Variants in ADCY1 observed in about 807,000 individuals in gnomAD.
ADCY1 encodes the protein adenylate cyclase 1.
ADCY1 carries 28 observed loss-of-function variants against 105.4 expected under a neutral mutation model. The ratio of observed to expected loss-of-function variants is 0.27; its 90% CI spans 0.20 to 0.36. The LOEUF is 0.36. Ranked by LOEUF, ADCY1 falls within the 10% of genes least tolerant of loss-of-function variation. The pLI, the probability that ADCY1 is intolerant of heterozygous loss-of-function variation, is 1.00. For synonymous variants in ADCY1, 655 were observed against 623.8 expected, an observed-to-expected ratio of 1.05 and a Z score of -0.75; for missense variants, 977 against 1,434.2, an observed-to-expected ratio of 0.68 and a Z score of 5.15.
chr7:45,587,617 T>C (rs1792769818), intron 1 of ADCY1, among the ~76,000 whole-genome samples: 2 of 152,058 alleles, frequency 1.3e-5, no homozygotes, highest in Non-Finnish European at 2.9e-5. Context: ...ATTGGGATAC[T>C]TTCTCCAAGG....
At chr7:45,645,783 G>A (rs564227333) in intron 4 of ADCY1, among the ~76,000 whole-genome samples, 1 of 152,128 alleles carries the variant, frequency 6.6e-6, no homozygotes, top group Non-Finnish European at 1.5e-5. Flanking sequence ...AGTCCTTGAC[G>A]TCCAGAGCAC....
At chr7:45,701,874 C>T (rs528176778) in intron 14 of ADCY1, among the ~76,000 whole-genome samples, 18 of 152,284 alleles carry the variant, frequency 1.2e-4, no homozygotes, top group African/African-American at 4.1e-4. Context: ...CTGGTCTGAC[C>T]GAGAAGGTTA....
At chr7:45,696,150 G>GGC (rs1473973500) in intron 14 of ADCY1, among the ~76,000 whole-genome samples, 1 of 152,082 alleles carries the variant, frequency 6.6e-6, no homozygotes. Context: ...GAAAAATCCA[G>GGC]ATTTTCGGCC....
chr7:45,580,516 T>C (rs1246510439), intron 1 of ADCY1, among the ~76,000 whole-genome samples: 1 of 152,148 alleles, frequency 6.6e-6, no homozygotes, highest in Non-Finnish European at 1.5e-5. Flanking sequence ...TGCAGTCTAT[T>C]GGGGAGACCC....
chr7:45,692,122 A>G (rs556450742), intron 14 of ADCY1, among the ~76,000 whole-genome samples: 4 of 152,312 alleles, frequency 2.6e-5, no homozygotes, highest in African/African-American at 7.2e-5. Flanking sequence ...GCACACTTCT[A>G]TGGAAACCTC....
At chr7:45,576,275 G>A (rs1792343368) in intron 1 of ADCY1, among the ~76,000 whole-genome samples, 1 of 152,102 alleles carries the variant, frequency 6.6e-6, no homozygotes, top group Non-Finnish European at 1.5e-5. Context: ...CCCACAGCCC[G>A]GCCCCGGGGG....
chr7:45,608,233 C>T (rs1793433865), intron 2 of ADCY1, among the ~76,000 whole-genome samples: 1 of 152,134 alleles, frequency 6.6e-6, no homozygotes, highest in African/African-American at 2.4e-5. Flanking sequence ...TTGTTGGCTC[C>T]TTGTATGTCT....
chr7:45,596,130 G>A (rs1210868981), intron 2 of ADCY1, among the ~76,000 whole-genome samples: 1 of 152,258 alleles, frequency 6.6e-6, no homozygotes, highest in African/African-American at 2.4e-5. Flanking sequence ...GCCCTGCCCA[G>A]GCCTCATGTG....
Position 45,723,094 on chromosome 7 carries a change from A to AAC in ADCY1, c.*9099_*9100insAC, listed in dbSNP as rs1785507844. ...CTGGAATCTTATTTAACAAAAATAA[A>AAC]GGGAAAAAATTGCTTGACTAAACTC... On this transcript the variant is annotated 3_prime_UTR_variant, in exon 20 of 20. Coordinates refer to ENST00000297323, the MANE Select transcript of ADCY1 (RefSeq NM_021116.4). 1 of 148,824 alleles carries AAC rather than the reference A, an allele frequency of 6.7e-6. No homozygotes were observed. Among genetic ancestry groups the AAC allele is most frequent in the Non-Finnish European group, 1.5e-5 (1 of 66,108 alleles). The allele number at this position is 148,824 out of a possible 1,614,324, so 9.2% of individuals were successfully genotyped here.
At chr7:45,633,661 G>A (rs923642409) in intron 4 of ADCY1, among the ~76,000 whole-genome samples, 7 of 152,068 alleles carry the variant, frequency 4.6e-5, no homozygotes, top group African/African-American at 1.7e-4. Context: ...AATTAGCTGG[G>A]TGTGGTGGCG....
intron 14 of ADCY1, among the ~76,000 whole-genome samples, chr7:45,695,191 T>C (rs1344231197): frequency 6.6e-6 from 1 of 152,230 alleles, no homozygotes; most frequent in Non-Finnish European, 1.5e-5. Context: ...CATTGCCTCC[T>C]GTCCAGTATT....
At chr7:45,622,515 G>A in intron 3 of ADCY1, 117 bp from the exon 4 acceptor site, 4 of 732,934 alleles carry the variant, frequency 5.5e-6, no homozygotes, top group Non-Finnish European at 9.5e-6. Flanking sequence ...CTGCATTGAG[G>A]AATAAATGGG....
intron 14 of ADCY1, among the ~76,000 whole-genome samples, chr7:45,690,842 C>T (rs568417979): frequency 1.3e-5 from 2 of 152,354 alleles, no homozygotes; most frequent in South Asian, 4.1e-4. Flanking sequence ...GATATGTTGA[C>T]CCAGCCATCA....
chr7:45,669,447 A>T (rs1784323526), intron 8 of ADCY1, among the ~76,000 whole-genome samples: 1 of 152,102 alleles, frequency 6.6e-6, no homozygotes, highest in Non-Finnish European at 1.5e-5. Flanking sequence ...GTTTTAAGTG[A>T]GTTTCTTAAT....
At position 45,627,015 on chromosome 7, in the gene ADCY1, C is replaced by T. The variant is rs1122489; in HGVS notation, c.1020+4272C>T. Among the ~76,000 whole-genome samples the T allele has an allele frequency of 1.2e-3, 187 of 152,242 alleles. 1 individual carries two copies. Among genetic ancestry groups the T allele is most frequent in the African/African-American group, 4.2e-3 (176 of 41,546 alleles). On this transcript the variant is annotated intron_variant, in intron 4 of 19. Coordinates refer to ENST00000297323, the MANE Select transcript of ADCY1 (RefSeq NM_021116.4). ...GGCTGGACCTGTTTCTTCTCTTGAC[C>T]CCTGCCCTCAAAATCAGGGTAGAAC...
chr7:45,626,515 CT>C (rs1277633331), intron 4 of ADCY1, among the ~76,000 whole-genome samples: 1 of 152,202 alleles, frequency 6.6e-6, no homozygotes, highest in Non-Finnish European at 1.5e-5. Flanking sequence ...ATCATTACAG[CT>C]GCAAGATGCC....
chr7:45,580,979 C>G (rs1792519990), intron 1 of ADCY1, among the ~76,000 whole-genome samples: 1 of 152,116 alleles, frequency 6.6e-6, no homozygotes, highest in Non-Finnish European at 1.5e-5. Flanking sequence ...GGGATCAACT[C>G]CTTAGGTTCA....
intron 8 of ADCY1, among the ~76,000 whole-genome samples, chr7:45,675,175 T>C (rs954382752): frequency 1.3e-5 from 2 of 152,194 alleles, no homozygotes; most frequent in Non-Finnish European, 2.9e-5. Flanking sequence ...TCCATTTTGA[T>C]TTATATATAG....
chr7:45,574,802 G>C lies in ADCY1; in HGVS notation c.259G>C (p.Ala87Pro), dbSNP rs748845827. 2 of 1,571,754 alleles carry C rather than the reference G, an allele frequency of 1.3e-6. No homozygotes were observed. Among genetic ancestry groups the C allele is most frequent in the Non-Finnish European group, 1.7e-6 (2 of 1,165,432 alleles). The change falls in exon 1 of 20, where the codon GCG becomes CCG. Residue 87 changes from alanine (A) to proline (P), a missense_variant. By Grantham distance (27) the Ala-to-Pro change is conservative (BLOSUM62 -1). Around this residue, in one of 7 missense-constraint regions of ADCY1, gnomAD observed 209 missense variants for 222.5 expected, o/e 0.94. Coordinates refer to ENST00000297323, the MANE Select transcript of ADCY1 (RefSeq NM_021116.4). This position sits in a 1 kb window ranked among gnomAD's most constrained non-coding sequence, Gnocchi z 7.0. Reference sequence around the variant, plus strand: ...CGAGCTGCTGGGCGCGCCGGGGCCCGCGCCCGGCCTGGCCAAGGGCTCACA... The same window carrying C: ...CGAGCTGCTGGGCGCGCCGGGGCCCCCGCCCGGCCTGGCCAAGGGCTCACA... ...LAELLGAPGPAPGLAKGSHPV... is the reference protein window; with the variant it reads ...LAELLGAPGPPPGLAKGSHPV...
Sources: gnomAD v4.1 joint callset for allele counts (sites outside exome capture counted in the v4.1 genomes callset) on GRCh38, gnomAD v4.1.1 for gene constraint, gnomAD v4.1.1 regional missense constraint, Gnocchi (gnomAD v3.1) non-coding constraint, MANE v1.5 for transcripts, NCBI Gene and HGNC (gene_info 2026-07-23, HGNC 2026-07-21) for gene names.